The following SLC38A10 variants were observed in gnomAD, a reference collection of about 807,000 sequenced individuals.
SLC38A10 encodes the protein solute carrier family 38 member 10.
In SLC38A10, 53 loss-of-function variants were observed where a neutral mutation model predicts 81.0. That is an observed-to-expected ratio of 0.65 (90% CI 0.53 to 0.82). The LOEUF is 0.82. SLC38A10 is among the 40% of genes least tolerant of loss of function. The pLI, the probability that SLC38A10 is intolerant of heterozygous loss-of-function variation, is 0.00. For synonymous variants in SLC38A10, 665 were observed against 655.3 expected (o/e 1.01, Z -0.23); for missense variants, 1,471 against 1,545.0 (o/e 0.95, Z 0.80).
At chr17:81,252,050 CG>C (rs2062920281) in intron 13 of SLC38A10, 144 bp downstream of exon 13, 25 of 1,212,170 alleles carry the variant, frequency 2.1e-5, no homozygotes, top group Non-Finnish European at 2.8e-5. Context: ...CACCAGCTGC[CG>C]GGGCCCGCTC....
Position 81,277,723 on chromosome 17 carries a change from G to A in SLC38A10, c.627-590C>T, listed in dbSNP as rs1165040845. On this transcript the variant is annotated intron_variant, in intron 6 of 15. Coordinates refer to ENST00000374759, the MANE Select transcript of SLC38A10 (RefSeq NM_001037984.3). This position sits in a 1 kb window ranked among gnomAD's most constrained non-coding sequence, Gnocchi z 4.5. The stretch of plus-strand genomic sequence containing the variant: ...TGGGAGGGACCCAAGCCACCAGCCA[G>A]GCAAGGACATGACAGCCCTGCACAG... Among the ~76,000 whole-genome samples, 1 of 152,220 alleles carries A rather than the reference G, an allele frequency of 6.6e-6. No individual in the cohort carries two copies. Among genetic ancestry groups the A allele is most frequent in the East Asian group, 1.9e-4 (1 of 5,192 alleles).
chr17:81,293,105 G>A (rs1045570134), intron 1 of SLC38A10, among the ~76,000 whole-genome samples: 4 of 152,268 alleles, frequency 2.6e-5, no homozygotes, highest in African/African-American at 7.2e-5. Context: ...AGAGGTTGCA[G>A]TGAGCCGAGA....
chr17:81,250,769 G>A, intron 14 of SLC38A10: 5 of 943,316 alleles, frequency 5.3e-6, no homozygotes, highest in Non-Finnish European at 6.3e-6. Context: ...ACAGAAGCCT[G>A]TCCCCAGCAG....
At position 81,276,388 on chromosome 17, in the gene SLC38A10, CTTTT is replaced by C. The variant is rs550850293; in HGVS notation, c.730-241_730-238del. 7.0e-6 allele frequency among the ~76,000 whole-genome samples: 1 copy of C among 142,530 alleles called. No homozygotes were observed. The highest frequency in any genetic ancestry group is 2.6e-5 in the African/African-American group (1 of 38,734). 93.5% of individuals were successfully genotyped at this position (142,530 alleles called of 152,430 possible). A position where few individuals can be genotyped will look rare whatever the true frequency, so the allele number is the denominator to read the frequency against. On this transcript the variant is annotated intron_variant, in intron 7 of 15. Transcript: ENST00000374759. This position sits in a 1 kb window ranked among gnomAD's most constrained non-coding sequence, Gnocchi z 4.7. ...CATGCCCATTTCTTTCTTTTTCTTT[CTTTT>C]TTTTTTTTTTTGAGACGGGGTCTCC... is the stretch of plus-strand genomic sequence containing the variant.
chr17:81,275,960 G>C lies in SLC38A10; in HGVS notation c.912+9C>G. On this transcript the variant is annotated intron_variant, in intron 8 of 15. Transcript: ENST00000374759. ...TATTACGATCCGGAGAGTGCCCCGA[G>C]GGTCTTACCTGCTGCTCACACAGCA... is the stretch of plus-strand genomic sequence containing the variant. 6.2e-7 allele frequency: 1 copy of C among 1,611,318 alleles called. No individual in the cohort carries two copies. Among genetic ancestry groups the C allele is most frequent in the East Asian group, 2.2e-5 (1 of 44,808 alleles).
chr17:81,245,972 G>C lies in SLC38A10; in HGVS notation c.2944C>G (p.His982Asp). The C allele has an allele frequency of 6.2e-7, 1 of 1,603,858 alleles. No homozygotes were observed. The highest frequency in any genetic ancestry group is 8.5e-7 in the Non-Finnish European group (1 of 1,174,244). Residue 982 changes from histidine (H) to aspartate (D), a missense_variant, in exon 16 of 16, where the codon CAC (histidine) becomes GAC (aspartate). By Grantham distance (81) the His-to-Asp change is moderately conservative (BLOSUM62 -1). Around this residue, in one of 2 missense-constraint regions of SLC38A10, gnomAD observed 751 missense variants for 717.4 expected, o/e 1.05. Coordinates refer to ENST00000374759, the MANE Select transcript of SLC38A10 (RefSeq NM_001037984.3). ...CCGCGGGCCTTTCTCATCTCCAGGT[G>C]ACCGCCATGGTCCAGCCGGTGGCCC... ...QQGHRLDHGG[H>D]LEMRKARGGD...
intron 14 of SLC38A10, among the ~76,000 whole-genome samples, chr17:81,248,118 C>T (rs1007685626): frequency 4.6e-5 from 7 of 151,938 alleles, no homozygotes; most frequent in African/African-American, 9.7e-5. Flanking sequence ...CCACCGCGCC[C>T]GGCTAATGTT....
chr17:81,257,691 G>A (rs961558456), intron 11 of SLC38A10, among the ~76,000 whole-genome samples: 3 of 152,240 alleles, frequency 2.0e-5, no homozygotes, highest in African/African-American at 4.8e-5. Context: ...CACACGACCC[G>A]TCGACACCCA....
rs1481152724 is a variant in SLC38A10 at position 81,245,792 on chromosome 17, T to A, written c.3124A>T (p.Lys1042Ter). 6.2e-7 allele frequency: 1 copy of A among 1,601,236 alleles called. No individual in the cohort carries two copies. Among genetic ancestry groups the A allele is most frequent in the Non-Finnish European group, 8.5e-7 (1 of 1,170,960 alleles). Reference protein sequence around the residue: ...PDNAKPNRDLKLQAGSDLRRR... With the variant: ...PDNAKPNRDL ...CGGAGGTCGGAGCCAGCCTGCAGTTTCAGGTCCCGGTTGGGCTTGGCATTG... is the reference window on the plus strand; with the variant it reads ...CGGAGGTCGGAGCCAGCCTGCAGTTACAGGTCCCGGTTGGGCTTGGCATTG... The change falls in exon 16 of 16, where the codon AAA (lysine) becomes TAA (stop). Residue 1042 changes from lysine (K) to a stop codon, truncating the protein, a stop_gained. Coordinates refer to ENST00000374759, the MANE Select transcript of SLC38A10 (RefSeq NM_001037984.3). LOFTEE classifies it low-confidence loss of function (END_TRUNC).
At position 81,283,309 on chromosome 17, in the gene SLC38A10, C is replaced by T; in HGVS notation, c.357+100G>A. 9.2e-7 allele frequency: 1 copy of T among 1,082,832 alleles called. No homozygotes were observed. The allele number at this position is 1,082,832 out of a possible 1,614,324, so 67.1% of individuals were successfully genotyped here. A position where few individuals can be genotyped will look rare whatever the true frequency, so the allele number is the denominator to read the frequency against. On this transcript the variant is annotated intron_variant, in intron 4 of 15. Coordinates refer to ENST00000374759, the MANE Select transcript of SLC38A10 (RefSeq NM_001037984.3). This position sits in a 1 kb window ranked among gnomAD's most constrained non-coding sequence, Gnocchi z 4.7. ...ACAGCAGGCTCGACAGAAGCTTCTC[C>T]CGACCAGCACCCAGGTCTCGGTCCT...
chr17:81,250,326 C>T (rs993703995), intron 14 of SLC38A10, among the ~76,000 whole-genome samples: 9 of 152,354 alleles, frequency 5.9e-5, no homozygotes, highest in African/African-American at 2.2e-4. Flanking sequence ...CTCTGCCTTC[C>T]GCGCTGCAGG....
In SLC38A10 at chr17:81,270,092, C is replaced by T. The variant is rs1266984573; in HGVS notation, c.1131+826G>A. The stretch of plus-strand genomic sequence containing the variant: ...AGTGGCTTCTAAACCCATGAAAAGA[C>T]ACTCAAGTTCCCGCCAGAGAGGCCA... On this transcript the variant is annotated intron_variant, in intron 10 of 15. Coordinates refer to ENST00000374759, the MANE Select transcript of SLC38A10 (RefSeq NM_001037984.3). This position sits in a 1 kb window ranked among gnomAD's most constrained non-coding sequence, Gnocchi z 4.0. Among the ~76,000 whole-genome samples, 3 of 152,194 alleles carry T rather than the reference C, an allele frequency of 2.0e-5. No individual in the cohort carries two copies. Among genetic ancestry groups the T allele is most frequent in the Non-Finnish European group, 4.4e-5 (3 of 68,032 alleles).
intron 11 of SLC38A10, among the ~76,000 whole-genome samples, chr17:81,255,091 C>T (rs1409065159): frequency 1.3e-5 from 2 of 152,266 alleles, no homozygotes; most frequent in African/African-American, 2.4e-5. Context: ...GGGAAGTGAG[C>T]ACGGTGAGCC....
At chr17:81,260,554 C>T (rs1266846380) in intron 10 of SLC38A10, among the ~76,000 whole-genome samples, 160 bp from the exon 11 acceptor site, 1 of 152,214 alleles carries the variant, frequency 6.6e-6, no homozygotes, top group Non-Finnish European at 1.5e-5. Flanking sequence ...GCAGTCGGCC[C>T]TGCCTGAGGA....
rs2063157413 is a variant in SLC38A10, at chr17:81,275,967, A to G, written c.912+2T>C. 6.2e-7 allele frequency: 1 copy of G among 1,612,952 alleles called. No homozygotes were observed. Among genetic ancestry groups the G allele is most frequent in the Non-Finnish European group, 8.5e-7 (1 of 1,179,630 alleles). On this transcript the variant is annotated splice_donor_variant, in intron 8 of 15. Coordinates refer to ENST00000374759, the MANE Select transcript of SLC38A10 (RefSeq NM_001037984.3). LOFTEE classifies it high-confidence loss of function. ...ATCCGGAGAGTGCCCCGAGGGTCTT[A>G]CCTGCTGCTCACACAGCAGCGTGCT...
At chr17:81,264,997 T>C (rs1291856939) in intron 10 of SLC38A10, 1 of 152,278 alleles carries the variant, frequency 6.6e-6, no homozygotes, top group African/African-American at 2.4e-5. Context: ...CACCTGCTGC[T>C]ACACTCCCTC....
At chr17:81,254,069 C>T (rs2062950102) in intron 11 of SLC38A10, among the ~76,000 whole-genome samples, 1 of 151,814 alleles carries the variant, frequency 6.6e-6, no homozygotes, top group Admixed American at 6.6e-5. Flanking sequence ...TCATCGTCGT[C>T]ACCTCCGTCA....
intron 1 of SLC38A10, among the ~76,000 whole-genome samples, chr17:81,293,142 G>C (rs1372303000): frequency 1.3e-5 from 2 of 152,262 alleles, no homozygotes; most frequent in Non-Finnish European, 2.9e-5. Context: ...CAGCCTGGGT[G>C]ACAGAGCGAG....
At position 81,288,908 on chromosome 17, in the gene SLC38A10, G is replaced by A. The variant is rs967578941; in HGVS notation, c.217+783C>T. ...CTGCACCAGCACGGTGAGGACGGCTGTCTTGGTCTGAGTTTAGAAGAGGAA... is the reference window on the plus strand; with the variant it reads ...CTGCACCAGCACGGTGAGGACGGCTATCTTGGTCTGAGTTTAGAAGAGGAA... On this transcript the variant is annotated intron_variant, in intron 2 of 15. Coordinates refer to ENST00000374759, the MANE Select transcript of SLC38A10 (RefSeq NM_001037984.3). This position sits in a 1 kb window ranked among gnomAD's most constrained non-coding sequence, Gnocchi z 5.4. 6.6e-6 allele frequency: 1 copy of A among 152,402 alleles called. No individual in the cohort carries two copies. The allele number at this position is 152,402 out of a possible 1,614,324, so 9.4% of individuals were successfully genotyped here.
Sources: gnomAD v4.1 joint callset for allele counts (sites outside exome capture counted in the v4.1 genomes callset) on GRCh38, gnomAD v4.1.1 for gene constraint, gnomAD v4.1.1 regional missense constraint, Gnocchi (gnomAD v3.1) non-coding constraint, MANE v1.5 for transcripts, NCBI Gene and HGNC (gene_info 2026-07-23, HGNC 2026-07-21) for gene names.